The following NAALADL2 variants were observed in gnomAD, a reference collection of about 807,000 sequenced individuals.
NAALADL2 encodes inactive N-acetylated-alpha-linked acidic dipeptidase-like protein 2.
In NAALADL2, 76 loss-of-function variants were observed where a neutral mutation model predicts 87.2. The ratio of observed to expected loss-of-function variants is 0.87; its 90% CI spans 0.72 to 1.05. The LOEUF is 1.05. Among genes scored for constraint, NAALADL2 ranks in the 50% least tolerant of loss-of-function variants. The probability of loss-of-function intolerance (pLI) is 0.00; values close to 1 mark genes in which losing one functional copy is unlikely to be tolerated. For synonymous variants in NAALADL2, 354 were observed against 331.0 expected, an observed-to-expected ratio of 1.07 and a Z score of -0.75; for missense variants, 1,089 against 945.8, an observed-to-expected ratio of 1.15 and a Z score of -1.99.
chr3:175,710,752 A>G (rs980025981), intron 11 of NAALADL2, among the ~76,000 whole-genome samples: 1 of 151,818 alleles, frequency 6.6e-6, no homozygotes, highest in African/African-American at 2.4e-5. Flanking sequence ...ATATACATAT[A>G]TATGAAAAAC....
chr3:174,984,598 A>G (rs2108671689), intron 1 of NAALADL2, among the ~76,000 whole-genome samples: 1 of 152,300 alleles, frequency 6.6e-6, no homozygotes, highest in Middle Eastern at 3.4e-3. Flanking sequence ...GCATGCCAAA[A>G]TTTGAACACA....
intron 9 of NAALADL2, among the ~76,000 whole-genome samples, chr3:175,562,789 T>C (rs201934968): frequency 1.2e-5 from 1 of 82,152 alleles, no homozygotes; most frequent in Non-Finnish European, 3.5e-5. Flanking sequence ...CTAAACCCAA[T>C]TAAAAAAAGT....
chr3:174,510,545 T>C (rs934118492), intron 1 of NAALADL2, among the ~76,000 whole-genome samples: 6 of 152,050 alleles, frequency 3.9e-5, no homozygotes, highest in African/African-American at 1.4e-4. Flanking sequence ...CTCCTTATGC[T>C]TTTGATGCAT....
At chr3:175,546,853 G>C (rs1713419999) in intron 9 of NAALADL2, among the ~76,000 whole-genome samples, 2 of 151,922 alleles carry the variant, frequency 1.3e-5, no homozygotes, top group Admixed American at 6.6e-5. Context: ...TAGGAATACA[G>C]CTAGCTAGGG....
At chr3:174,691,047 A>G (rs1728526305) in intron 2 of NAALADL2, among the ~76,000 whole-genome samples, 1 of 152,166 alleles carries the variant, frequency 6.6e-6, no homozygotes, top group South Asian at 2.1e-4. Flanking sequence ...ATGTTATGCT[A>G]TATACCCATC....
At chr3:174,882,264 G>C (rs750281285) in intron 1 of NAALADL2, among the ~76,000 whole-genome samples, 34 of 151,572 alleles carry the variant, frequency 2.2e-4, no homozygotes, top group Non-Finnish European at 4.6e-4. Flanking sequence ...TTAAAAATAG[G>C]TTTTAGTCAC....
chr3:174,720,552 A>G (rs896057392), intron 2 of NAALADL2, among the ~76,000 whole-genome samples: 2 of 152,182 alleles, frequency 1.3e-5, no homozygotes, highest in Non-Finnish European at 2.9e-5. Context: ...TGTGTATTGT[A>G]AAGACTGAGA....
intron 12 of NAALADL2, among the ~76,000 whole-genome samples, chr3:175,747,808 T>C (rs1348352604): frequency 1.3e-5 from 2 of 152,176 alleles, no homozygotes; most frequent in African/African-American, 4.8e-5. Flanking sequence ...AAGCAGTCTG[T>C]AGCCAGATCA....
Position 175,323,935 on chromosome 3 carries a change from G to A in NAALADL2, c.940-240G>A, listed in dbSNP as rs559767541. 4.0e-5 allele frequency among the ~76,000 whole-genome samples: 6 copies of A among 150,308 alleles called. No homozygotes were observed. In the South Asian group the frequency reaches 1.3e-3, roughly 32 times the overall value. ...CGGGAGGCTGAGGCAGGAGAATGGC[G>A]TGAACCCGGGAGGTGGAGGTTGCAG... On this transcript the variant is annotated intron_variant, in intron 4 of 13. Coordinates refer to ENST00000454872, the MANE Select transcript of NAALADL2 (RefSeq NM_207015.3).
At chr3:174,755,689 A>T (rs207464090) in intron 3 of NAALADL2, among the ~76,000 whole-genome samples, 2 of 152,218 alleles carry the variant, frequency 1.3e-5, no homozygotes, top group Non-Finnish European at 2.9e-5. Flanking sequence ...TTATTTCCTT[A>T]TAACACTTAT....
intron 2 of NAALADL2, among the ~76,000 whole-genome samples, chr3:174,637,960 AT>A (rs1245765076): frequency 6.6e-6 from 1 of 152,144 alleles, no homozygotes; most frequent in African/African-American, 2.4e-5. Context: ...CTATCCTTGC[AT>A]TTCTAAATAT....
chr3:174,821,374 G>A (rs533345353), intron 3 of NAALADL2, among the ~76,000 whole-genome samples: 1 of 152,216 alleles, frequency 6.6e-6, no homozygotes, highest in East Asian at 1.9e-4. Flanking sequence ...TCTGTACTTG[G>A]CATATAGTAG....
chr3:175,465,272 CTATT>C (rs1723816307), intron 7 of NAALADL2, among the ~76,000 whole-genome samples: 1 of 146,626 alleles, frequency 6.8e-6, no homozygotes, highest in Non-Finnish European at 1.5e-5. Flanking sequence ...AAAAAAAAGA[CTATT>C]TACATAACAT....
chr3:175,037,799 T>G (rs1753595596), intron 1 of NAALADL2, among the ~76,000 whole-genome samples: 1 of 152,048 alleles, frequency 6.6e-6, no homozygotes, highest in African/African-American at 2.4e-5. Context: ...TTTGTGTGAG[T>G]CTACAAAGAG....
chr3:175,752,673 C>T (rs1746760233), intron 12 of NAALADL2, among the ~76,000 whole-genome samples: 1 of 152,074 alleles, frequency 6.6e-6, no homozygotes, highest in Admixed American at 6.6e-5. Flanking sequence ...CTGGAGCTAG[C>T]CAGTTCCTGA....
intron 13 of NAALADL2, among the ~76,000 whole-genome samples, chr3:175,797,447 A>C (rs1281531744): frequency 6.6e-6 from 1 of 152,172 alleles, no homozygotes; most frequent in Admixed American, 6.5e-5. Flanking sequence ...TCCTGCAGGG[A>C]AACTTTTCTA....
intron 1 of NAALADL2, among the ~76,000 whole-genome samples, chr3:174,517,554 T>C (rs1720007054): frequency 6.6e-6 from 1 of 152,104 alleles, no homozygotes; most frequent in African/African-American, 2.4e-5. Flanking sequence ...GATGAGGTAG[T>C]TAGCTAATGA....
intron 8 of NAALADL2, among the ~76,000 whole-genome samples, chr3:175,469,395 G>C (rs73884428): frequency 0.053 from 8,058 of 152,068 alleles, 674 homozygotes; most frequent in African/African-American, 0.18. Context: ...CCCTGTGAAG[G>C]GGAGTGAGGA....
At chr3:174,899,373 G>T (rs977544371) in intron 1 of NAALADL2, among the ~76,000 whole-genome samples, 2 of 152,138 alleles carry the variant, frequency 1.3e-5, no homozygotes, top group Non-Finnish European at 2.9e-5. Flanking sequence ...CAGTGTTATA[G>T]GTGGGGCCTG....
Sources: gnomAD v4.1 joint callset for allele counts (sites outside exome capture counted in the v4.1 genomes callset) on GRCh38, gnomAD v4.1.1 for gene constraint, MANE v1.5 for transcripts, NCBI Gene and HGNC (gene_info 2026-07-23, HGNC 2026-07-21) for gene names.